CUBN: variants seen among roughly 807,000 people sequenced by gnomAD.
CUBN encodes the protein 460 kDa receptor.
In CUBN, 282 loss-of-function variants were observed where a neutral mutation model predicts 405.3. The ratio of observed to expected loss-of-function variants is 0.70; its 90% confidence interval spans 0.63 to 0.77. The LOEUF (loss-of-function observed/expected upper bound fraction) is 0.77. CUBN is among the 30% of genes least tolerant of loss of function. The pLI, the probability that CUBN is intolerant of heterozygous loss-of-function variation, is 0.00. For synonymous variants in CUBN, 1,684 were observed against 1,617.0 expected, an observed-to-expected ratio of 1.04 and a Z score of -0.99; for missense variants, 4,514 against 4,475.2, an observed-to-expected ratio of 1.01 and a Z score of -0.25.
chr10:16,890,571 A>G, intron 54 of CUBN, 44 bp from the exon 55 acceptor site: 1 of 1,610,148 alleles, frequency 6.2e-7, no homozygotes, highest in Non-Finnish European at 8.5e-7. Context: ...AGGGTTTCCC[A>G]TCAATATTTT....
At chr10:16,905,701 C>T (rs952947188) in intron 50 of CUBN, among the ~76,000 whole-genome samples, 5 of 152,148 alleles carry the variant, frequency 3.3e-5, no homozygotes, top group South Asian at 2.1e-4. Context: ...TCCTGGGGTT[C>T]GTTTTCCTCA....
intron 51 of CUBN, among the ~76,000 whole-genome samples, 160 bp downstream of exon 51, chr10:16,903,806 A>G (rs1841475369): frequency 6.6e-6 from 1 of 151,246 alleles, no homozygotes; most frequent in Admixed American, 6.6e-5. Flanking sequence ...TATCAGCCAC[A>G]ACCAATTAAA....
At position 17,072,089 on chromosome 10, in the gene CUBN, G is replaced by A. The variant is rs563687024; in HGVS notation, c.2302-118C>T. ...CAAAATGAATGATAATCCAATTTGAGTTACATATTTCTATTATTTTCTAAA... is the reference window on the plus strand; with the variant it reads ...CAAAATGAATGATAATCCAATTTGAATTACATATTTCTATTATTTTCTAAA... On this transcript the variant is annotated intron_variant, in intron 17 of 66. Transcript: ENST00000377833. 1,326 of 779,578 alleles carry A rather than the reference G, an allele frequency of 1.7e-3. 4 individuals are homozygous for A. The highest frequency in any genetic ancestry group is 2.4e-3 in the Non-Finnish European group (1,124 of 465,014). 48.3% of individuals were successfully genotyped at this position (779,578 alleles called of 1,614,324 possible).
chr10:17,073,673 C>T (rs1033669811), intron 17 of CUBN, among the ~76,000 whole-genome samples: 4 of 151,604 alleles, frequency 2.6e-5, no homozygotes, highest in East Asian at 3.9e-4. Context: ...CTCAAACTCC[C>T]AATCTCAGGT....
intron 66 of CUBN, 83 bp downstream of exon 66, chr10:16,828,722 T>TAAA: frequency 7.3e-6 from 7 of 954,678 alleles, no homozygotes; most frequent in Admixed American, 2.1e-5. Context: ...GATTCCATCT[T>TAAA]AAAAAAAAAA....
At chr10:17,014,597 T>C (rs1024510101) in intron 28 of CUBN, among the ~76,000 whole-genome samples, 2 of 152,226 alleles carry the variant, frequency 1.3e-5, no homozygotes, top group African/African-American at 4.8e-5. Context: ...GCCTAGATAT[T>C]TGGCCTGCTG....
At chr10:16,962,477 C>A (rs535254586) in intron 31 of CUBN, among the ~76,000 whole-genome samples, 26 of 152,186 alleles carry the variant, frequency 1.7e-4, no homozygotes, top group African/African-American at 5.5e-4. Flanking sequence ...CAACTTCTGA[C>A]CCAGCTCTCA....
chr10:16,892,162 C>A (rs12267503), intron 54 of CUBN, among the ~76,000 whole-genome samples: 1 of 152,188 alleles, frequency 6.6e-6, no homozygotes, highest in African/African-American at 2.4e-5. Context: ...ATTCTCAGCT[C>A]TTTAAAGCCG....
At chr10:16,979,901 AG>A (rs1833214200) in intron 31 of CUBN, among the ~76,000 whole-genome samples, 1 of 152,240 alleles carries the variant, frequency 6.6e-6, no homozygotes, top group Admixed American at 6.5e-5. Context: ...CAGAGTGAAC[AG>A]GCAATCTACA....
intron 3 of CUBN, among the ~76,000 whole-genome samples, chr10:17,127,264 C>CTTTTTTT (rs34414528): frequency 1.4e-4 from 12 of 82,828 alleles, no homozygotes; most frequent in Non-Finnish European, 1.9e-4. Context: ...CTCTCTCTTT[C>CTTTTTTT]TTTTTTTTTT....
intron 27 of CUBN, among the ~76,000 whole-genome samples, chr10:17,020,741 T>C (rs1588588270): frequency 6.6e-6 from 1 of 152,186 alleles, no homozygotes; most frequent in Non-Finnish European, 1.5e-5. Flanking sequence ...TATCACTTAA[T>C]TGTGTAAACC....
intron 27 of CUBN, among the ~76,000 whole-genome samples, chr10:17,037,211 T>A (rs1253726496): frequency 6.6e-6 from 1 of 152,204 alleles, no homozygotes; most frequent in African/African-American, 2.4e-5. Context: ...TTGAAATAGA[T>A]GCAATCTTGT....
intron 29 of CUBN, among the ~76,000 whole-genome samples, chr10:16,985,159 C>T (rs1426622706): frequency 6.6e-6 from 1 of 152,238 alleles, no homozygotes; most frequent in Non-Finnish European, 1.5e-5. Flanking sequence ...TGTTTCCACA[C>T]CCAGATGTTG....
intron 59 of CUBN, among the ~76,000 whole-genome samples, chr10:16,856,614 A>AC (rs1471297373): frequency 2.0e-5 from 3 of 152,348 alleles, no homozygotes; most frequent in African/African-American, 7.2e-5. Context: ...GGAGTTAGAT[A>AC]CATTTTTAAA....
chr10:16,920,317 G>A (rs989079391), intron 43 of CUBN, among the ~76,000 whole-genome samples, 180 bp from the exon 44 acceptor site: 1 of 152,116 alleles, frequency 6.6e-6, no homozygotes, highest in African/African-American at 2.4e-5. Flanking sequence ...GGAGCTACGA[G>A]GTGTGACACT....
At chr10:16,884,387 TA>T (rs1281316796) in intron 56 of CUBN, among the ~76,000 whole-genome samples, 1 of 91,584 alleles carries the variant, frequency 1.1e-5, no homozygotes, top group Non-Finnish European at 2.6e-5. Flanking sequence ...ACTGGATCTA[TA>T]ATTTTTTTTT....
Position 16,824,942 on chromosome 10 carries a change from G to T in CUBN, c.*33C>A. The T allele has an allele frequency of 6.7e-7, 1 of 1,481,676 alleles. No homozygotes were observed. The highest frequency in any genetic ancestry group is 9.4e-7 in the Non-Finnish European group (1 of 1,059,926). 91.8% of individuals were successfully genotyped at this position (1,481,676 alleles called of 1,614,324 possible). On this transcript the variant is annotated 3_prime_UTR_variant, in exon 67 of 67. Transcript: ENST00000377833. The stretch of plus-strand genomic sequence containing the variant: ...AGTGCTGTCCAGCGTGCTGCAGAGG[G>T]AAAGTGCTGAGTGAACACGAGTTGT...
Position 16,829,031 on chromosome 10 carries a change from C to G in CUBN, c.10538G>C (p.Gly3513Ala). The change falls in exon 66 of 67, where the codon GGA becomes GCA. Residue 3513 changes from glycine (G) to alanine (A), a missense_variant. Physicochemically the swap from Gly to Ala is moderately conservative, Grantham distance 60. Coordinates refer to ENST00000377833, the MANE Select transcript of CUBN (RefSeq NM_001081.4). ...TGAGCCTCTGTCTCCATAAAGAGTT[C>G]CACCACATCCTGCAAGGAAAACAGG... The part of the protein sequence containing the change: ...IWTSSPSGCG[G>A]TLYGDRGSFT... 6.2e-7 allele frequency: 1 copy of G among 1,613,568 alleles called. No individual in the cohort carries two copies. The highest frequency in any genetic ancestry group is 1.1e-5 in the South Asian group (1 of 91,012).
intron 27 of CUBN, among the ~76,000 whole-genome samples, chr10:17,026,490 G>A (rs573543378): frequency 1.2e-3 from 186 of 152,120 alleles, no homozygotes; most frequent in Non-Finnish European, 1.7e-3. Context: ...AAAATTAGCC[G>A]GGTGTGGTGG....
Sources: gnomAD v4.1 joint callset for allele counts (sites outside exome capture counted in the v4.1 genomes callset) on GRCh38, gnomAD v4.1.1 for gene constraint, MANE v1.5 for transcripts, NCBI Gene and HGNC (gene_info 2026-07-23, HGNC 2026-07-21) for gene names.